SPP2: variants seen among roughly 807,000 people sequenced by gnomAD.
The protein encoded by SPP2 is secreted phosphoprotein 2, also known as secreted phosphoprotein 24.
SPP2 carries 34 observed loss-of-function variants against 28.8 expected under a neutral mutation model. The ratio of observed to expected loss-of-function variants is 1.18; its 90% confidence interval spans 0.90 to 1.57. The LOEUF (loss-of-function observed/expected upper bound fraction) is 1.57. SPP2 is among the 40% of genes most tolerant of loss of function. The pLI is 0.00. For synonymous variants in SPP2, 96 were observed against 89.4 expected (o/e 1.07, Z -0.42); for missense variants, 269 against 263.9 (o/e 1.02, Z -0.13).
chr2:234,072,517 A>C lies in SPP2; in HGVS notation c.*10+2494A>C, dbSNP rs1297451830. 3.9e-5 allele frequency among the ~76,000 whole-genome samples: 6 copies of C among 152,320 alleles called. No individual in the cohort carries two copies. In the East Asian group the frequency reaches 5.8e-4, roughly 15 times the overall value. Reference sequence around the variant, plus strand: ...GGATGTGTATACATATGTGTATTGCAATATAAATTCATCATTTGATTTTTA... The same window carrying C: ...GGATGTGTATACATATGTGTATTGCCATATAAATTCATCATTTGATTTTTA... On this transcript the variant is annotated intron_variant, in intron 7 of 7. Coordinates refer to ENST00000168148, the MANE Select transcript of SPP2 (RefSeq NM_006944.3).
intron 2 of SPP2, among the ~76,000 whole-genome samples, chr2:234,051,906 T>C (rs888773523): frequency 1.3e-5 from 2 of 152,192 alleles, no homozygotes; most frequent in Admixed American, 1.3e-4. Context: ...TCTCTCTGTC[T>C]GCCTGCTGCC....
At chr2:234,071,796 C>T (rs904882152) in intron 7 of SPP2, among the ~76,000 whole-genome samples, 4 of 152,242 alleles carry the variant, frequency 2.6e-5, no homozygotes, top group Non-Finnish European at 4.4e-5. Context: ...GCTGCCTCTA[C>T]TGGGACCAGC....
intron 2 of SPP2, among the ~76,000 whole-genome samples, chr2:234,051,631 AG>A (rs1009022530): frequency 6.6e-6 from 1 of 152,206 alleles, no homozygotes; most frequent in Non-Finnish European, 1.5e-5. Flanking sequence ...TATCCTTCAA[AG>A]GAAATGAGAA....
chr2:234,069,192 A>AAGAGAGAGAG (rs143384388), intron 6 of SPP2, among the ~76,000 whole-genome samples: 1 of 149,678 alleles, frequency 6.7e-6, no homozygotes. Flanking sequence ...ATTTGAGAGA[A>AAGAGAGAGAG]AGAGAGAGAG....
chr2:234,068,643 G>A (rs1472285823), intron 6 of SPP2, among the ~76,000 whole-genome samples: 3 of 149,734 alleles, frequency 2.0e-5, no homozygotes, highest in Non-Finnish European at 4.4e-5. Flanking sequence ...ATGACAGCAT[G>A]ACCACTGCTG....
At position 234,067,219 on chromosome 2, in the gene SPP2, T is replaced by C. The variant is rs768404482; in HGVS notation, c.500-5T>C. ...TCTTGTCTTATGATTATTACTGTGT[T>C]ACAGGTCTCATTTCAGACGAGTCCA... On this transcript the variant is annotated splice_region_variant and splice_polypyrimidine_tract_variant and intron_variant, in intron 5 of 7. Coordinates refer to ENST00000168148, the MANE Select transcript of SPP2 (RefSeq NM_006944.3). 1.2e-6 allele frequency: 2 copies of C among 1,613,552 alleles called. No individual in the cohort carries two copies. Among genetic ancestry groups the C allele is most frequent in the South Asian group, 1.1e-5 (1 of 91,068 alleles).
rs764495146 is a variant in SPP2, at chr2:234,050,806, A to C, written c.20A>C (p.Lys7Thr). 2 of 1,614,016 alleles carry C rather than the reference A, an allele frequency of 1.2e-6. No individual in the cohort carries two copies. MISRME[K>T]MTMMMKILIM... is the part of the protein sequence containing the mutation. Reference sequence around the variant, plus strand: ...ACAATCATGATTTCCAGAATGGAGAAGATGACGATGATGATGAAGATATTG... The same window carrying C: ...ACAATCATGATTTCCAGAATGGAGACGATGACGATGATGATGAAGATATTG... Residue 7 changes from lysine to threonine, a missense_variant, in exon 1 of 8, where the codon AAG becomes ACG. Coordinates refer to ENST00000168148, the MANE Select transcript of SPP2 (RefSeq NM_006944.3).
At chr2:234,068,924 C>T (rs2125468831) in intron 6 of SPP2, among the ~76,000 whole-genome samples, 1 of 152,108 alleles carries the variant, frequency 6.6e-6, no homozygotes, top group South Asian at 2.1e-4. Context: ...GGTCAAAGAC[C>T]AAGGAGAAAC....
rs1242872894 is a variant in SPP2 at position 234,067,320 on chromosome 2, A to G, written c.550+46A>G. ...TGTGCCACCAGACCCTTTTCTGATC[A>G]ATCTGGACTCCTGAGAAATCCTATT... On this transcript the variant is annotated intron_variant, in intron 6 of 7. Coordinates refer to ENST00000168148, the MANE Select transcript of SPP2 (RefSeq NM_006944.3). 14 of 1,555,600 alleles carry G rather than the reference A, an allele frequency of 9.0e-6. No homozygotes were observed. In the East Asian group the frequency reaches 3.1e-4, roughly 35 times the overall value.
intron 2 of SPP2, among the ~76,000 whole-genome samples, chr2:234,051,894 T>C (rs1374209304): frequency 6.6e-6 from 1 of 152,140 alleles, no homozygotes; most frequent in East Asian, 1.9e-4. Flanking sequence ...TGGACATTGC[T>C]TTCTCTCTGT....
At position 234,050,813 on chromosome 2, in the gene SPP2, G is replaced by A. The variant is rs142534488; in HGVS notation, c.27G>A (p.Thr9=). Reference sequence around the variant, plus strand: ...TGATTTCCAGAATGGAGAAGATGACGATGATGATGAAGATATTGATTATGT... The same window carrying A: ...TGATTTCCAGAATGGAGAAGATGACAATGATGATGAAGATATTGATTATGT... MISRMEKM[T]MMMKILIMFA... is the part of the protein sequence containing the mutation. Residue 9 remains threonine, a synonymous_variant, in exon 1 of 8, where the codon ACG becomes ACA. Transcript: ENST00000168148. 21 of 1,613,862 alleles carry A rather than the reference G, an allele frequency of 1.3e-5. No homozygotes were observed. Among genetic ancestry groups the A allele is most frequent in the Non-Finnish European group, 1.5e-5 (18 of 1,179,896 alleles).
intron 2 of SPP2, among the ~76,000 whole-genome samples, chr2:234,057,142 C>T (rs937469854): frequency 3.3e-5 from 5 of 152,140 alleles, no homozygotes; most frequent in Non-Finnish European, 5.9e-5. Flanking sequence ...CTTCCTGCTG[C>T]CCCCTTGTTC....
intron 2 of SPP2, 130 bp from the exon 3 acceptor site, chr2:234,058,706 C>T: frequency 1.8e-6 from 2 of 1,091,720 alleles, no homozygotes; most frequent in Non-Finnish European, 2.6e-6. Context: ...TAGGTGATTG[C>T]TAAGATAATT....
intron 7 of SPP2, among the ~76,000 whole-genome samples, chr2:234,070,314 A>G (rs1574835881): frequency 6.6e-6 from 1 of 152,220 alleles, no homozygotes; most frequent in Non-Finnish European, 1.5e-5. Context: ...CATCTCATCC[A>G]TCTAAGCAAC....
rs1693482226 is a variant in SPP2, at chr2:234,051,036, G to A, written c.151G>A (p.Val51Met). 5.0e-6 allele frequency: 8 copies of A among 1,614,022 alleles called. No homozygotes were observed. The highest frequency in any genetic ancestry group is 6.8e-6 in the Non-Finnish European group (8 of 1,179,944). Residue 51 changes from valine (V) to methionine (M), a missense_variant, in exon 2 of 8, where the codon GTG (valine) becomes ATG (methionine). Physicochemically the swap from Val to Met is conservative, Grantham distance 21. Transcript: ENST00000168148. ...RDALSASVVK[V>M]NSQSLSPYLF... ...TGCCCTCAGTGCCTCTGTGGTAAAA[G>A]TGAATTCCCAGTCACTGAGTCCGTA...
chr2:234,076,693 A>G (rs1690905020), intron 7 of SPP2, among the ~76,000 whole-genome samples, 152 bp from the exon 8 acceptor site: 1 of 151,958 alleles, frequency 6.6e-6, no homozygotes, highest in African/African-American at 2.4e-5. Flanking sequence ...CTCACACCAC[A>G]AACACCTTCA....
At chr2:234,067,552 C>T (rs973348849) in intron 6 of SPP2, among the ~76,000 whole-genome samples, 15 of 151,978 alleles carry the variant, frequency 9.9e-5, no homozygotes, top group African/African-American at 3.1e-4. Context: ...CCGAGGCGGG[C>T]GGATCACGAA....
chr2:234,058,627 T>A (rs529324057), intron 2 of SPP2, among the ~76,000 whole-genome samples: 26 of 152,206 alleles, frequency 1.7e-4, no homozygotes, highest in Non-Finnish European at 3.2e-4. Context: ...TCCATTTTCG[T>A]CACTAAACTA....
At position 234,076,463 on chromosome 2, in the gene SPP2, C is replaced by CT. The variant is rs527340434; in HGVS notation, c.*11-380dup. On this transcript the variant is annotated intron_variant, in intron 7 of 7. Transcript: ENST00000168148. ...GCTGTACTCTAACTACTTCCACCCCCTTCACTAGGTTGTGGGAGGTTTTTG... is the reference window on the plus strand; with the variant it reads ...GCTGTACTCTAACTACTTCCACCCCCTTTCACTAGGTTGTGGGAGGTTTTTG... Among the ~76,000 whole-genome samples, 9 of 152,318 alleles carry CT rather than the reference C, an allele frequency of 5.9e-5. No individual in the cohort carries two copies. In the East Asian group the frequency reaches 1.7e-3, roughly 29 times the overall value.
Sources: allele counts gnomAD v4.1 joint callset (sites outside exome capture counted in the v4.1 genomes callset), GRCh38; gene constraint gnomAD v4.1.1; transcripts MANE v1.5; gene names NCBI Gene and HGNC (gene_info 2026-07-23, HGNC 2026-07-21).